The following NRG1 variants were observed in gnomAD, a reference collection of about 807,000 sequenced individuals.
NRG1 encodes neuregulin 1.
NRG1 carries 18 observed loss-of-function variants against 63.8 expected under a neutral mutation model. That is an observed-to-expected ratio of 0.28 (90% CI 0.19 to 0.42). The LOEUF (loss-of-function observed/expected upper bound fraction) is 0.42, where lower values mean the gene tolerates loss of function less well. NRG1 is among the 10% of genes least tolerant of loss of function. NRG1 has a pLI of 1.00. For synonymous variants in NRG1, 302 were observed against 301.3 expected, an observed-to-expected ratio of 1.00 and a Z score of -0.02; for missense variants, 762 against 814.7, an observed-to-expected ratio of 0.94 and a Z score of 0.79.
At chr8:32,771,277 T>A (rs1463424888), downstream of NRG1, among the ~76,000 whole-genome samples, 1 of 19,242 alleles carries the variant, frequency 5.2e-5, no homozygotes, top group Non-Finnish European at 1.0e-4. Context: ...TGCCCAGCGA[T>A]TTTTTTTTTT....
At chr8:32,048,938 A>AG (rs1173864212) in intron 1 of NRG1, among the ~76,000 whole-genome samples, 2 of 151,982 alleles carry the variant, frequency 1.3e-5, no homozygotes, top group Non-Finnish European at 2.9e-5. Flanking sequence ...GGATGGTTTA[A>AG]GGGAGGCCAA....
Position 31,799,331 on chromosome 8 carries a change from C to T in NRG1, c.37+159900C>T, listed in dbSNP as rs959029336. 2.6e-5 allele frequency among the ~76,000 whole-genome samples: 4 copies of T among 151,998 alleles called. No homozygotes were observed. In the South Asian group the frequency reaches 6.2e-4, roughly 24 times the overall value. On this transcript the variant is annotated intron_variant, in intron 1 of 10. Transcript: ENST00000519301. ...TTCTATATTAATGATCAGTTTTAGGCGATACTTGCCAAAATCTAGTTCAGG... is the reference window on the plus strand; with the variant it reads ...TTCTATATTAATGATCAGTTTTAGGTGATACTTGCCAAAATCTAGTTCAGG...
chr8:32,483,578 C>G (rs1825556318), intron 1 of NRG1, among the ~76,000 whole-genome samples: 1 of 152,142 alleles, frequency 6.6e-6, no homozygotes, highest in South Asian at 2.1e-4. Flanking sequence ...ACTTGATAAG[C>G]CTTTGCTAGA....
At chr8:32,283,109 T>C (rs1485052518) in intron 1 of NRG1, among the ~76,000 whole-genome samples, 3 of 152,208 alleles carry the variant, frequency 2.0e-5, no homozygotes, top group South Asian at 2.1e-4. Context: ...TCCAAATTGT[T>C]ATTCCAATTT....
intron 2 of NRG1, among the ~76,000 whole-genome samples, chr8:32,600,110 G>A (rs566344591): frequency 6.6e-6 from 1 of 152,172 alleles, no homozygotes; most frequent in East Asian, 1.9e-4. Context: ...TACAGTGACT[G>A]GTTCTGTTGC....
At chr8:31,766,865 C>T (rs1049762195) in intron 1 of NRG1, among the ~76,000 whole-genome samples, 11 of 152,162 alleles carry the variant, frequency 7.2e-5, no homozygotes, top group Admixed American at 5.2e-4. Context: ...TGGAGCAGAA[C>T]GTGACATCTC....
intron 1 of NRG1, among the ~76,000 whole-genome samples, chr8:31,679,742 A>T (rs1160149304): frequency 6.6e-6 from 1 of 152,152 alleles, no homozygotes; most frequent in Non-Finnish European, 1.5e-5. Flanking sequence ...AAGAAGAATT[A>T]TTAGTATTGA....
At chr8:31,832,993 C>T (rs546857795) in intron 1 of NRG1, among the ~76,000 whole-genome samples, 15 of 152,204 alleles carry the variant, frequency 9.9e-5, no homozygotes, top group African/African-American at 2.6e-4. Context: ...TGCAAAGATA[C>T]GGTGTTCCAG....
chr8:31,766,542 T>C (rs1563376727), intron 1 of NRG1, among the ~76,000 whole-genome samples: 1 of 151,968 alleles, frequency 6.6e-6, no homozygotes, highest in Non-Finnish European at 1.5e-5. Flanking sequence ...GTCAGTAGAG[T>C]CAATTTCTGA....
At chr8:32,624,391 A>G (rs570605063) in intron 5 of NRG1, among the ~76,000 whole-genome samples, 1 of 152,306 alleles carries the variant, frequency 6.6e-6, no homozygotes, top group African/African-American at 2.4e-5. Flanking sequence ...TACAGAGAGG[A>G]GAGTTCTGTA....
intron 1 of NRG1, among the ~76,000 whole-genome samples, chr8:31,766,507 G>A (rs1447571071): frequency 6.6e-6 from 1 of 152,172 alleles, no homozygotes; most frequent in African/African-American, 2.4e-5. Context: ...AGGACAACAA[G>A]CCCCTGTGCA....
chr8:32,602,270 T>C (rs1418418263), intron 2 of NRG1, among the ~76,000 whole-genome samples: 1 of 152,166 alleles, frequency 6.6e-6, no homozygotes, highest in Non-Finnish European at 1.5e-5. Context: ...TCTCTCTTTC[T>C]TTTAAAGCCT....
chr8:31,915,071 A>ATT lies in NRG1; in HGVS notation c.37+275649_37+275650dup, dbSNP rs35702085. Among the ~76,000 whole-genome samples, 811 of 147,792 alleles carry ATT rather than the reference A, an allele frequency of 5.5e-3. 1 individual carries two copies. Among genetic ancestry groups the ATT allele is most frequent in the Middle Eastern group, 0.024 (7 of 292 alleles). ...TTTCAAAGTCAATTTTGTTCAGACC[A>ATT]TTTTTTTTTTACAAAGTAGCTTAAA... On this transcript the variant is annotated intron_variant, in intron 1 of 10. Coordinates refer to the NRG1 transcript ENST00000519301.
chr8:32,607,391 T>G (rs1396009638), intron 3 of NRG1, among the ~76,000 whole-genome samples: 1 of 152,160 alleles, frequency 6.6e-6, no homozygotes, highest in Non-Finnish European at 1.5e-5. Flanking sequence ...ATTGTGATTT[T>G]TGACACTTGG....
At chr8:32,235,230 CAAAAAAAAAAA>C (rs58148757) in intron 1 of NRG1, among the ~76,000 whole-genome samples, 2 of 88,308 alleles carry the variant, frequency 2.3e-5, no homozygotes, top group African/African-American at 8.7e-5. Flanking sequence ...CTAATCTCTA[CAAAAAAAAAAA>C]AAAAAAAAAA....
chr8:32,676,234 G>A (rs1168251671), intron 5 of NRG1, among the ~76,000 whole-genome samples: 1 of 152,096 alleles, frequency 6.6e-6, no homozygotes, highest in Non-Finnish European at 1.5e-5. Flanking sequence ...TGGCCTCAGT[G>A]GTTTGGGGAA....
At chr8:31,918,716 T>C (rs564375104) in intron 1 of NRG1, among the ~76,000 whole-genome samples, 11 of 152,206 alleles carry the variant, frequency 7.2e-5, no homozygotes, top group African/African-American at 1.4e-4. Context: ...GTTGGCCTCA[T>C]AAAATGAGTT....
At chr8:32,396,040 T>G (rs1812397256) in intron 1 of NRG1, among the ~76,000 whole-genome samples, 1 of 152,212 alleles carries the variant, frequency 6.6e-6, no homozygotes, top group African/African-American at 2.4e-5. Flanking sequence ...TGACTATGTG[T>G]AAGTCTATTT....
intron 1 of NRG1, among the ~76,000 whole-genome samples, chr8:32,355,624 C>G (rs1012808520): frequency 4.0e-5 from 6 of 151,608 alleles, no homozygotes; most frequent in Non-Finnish European, 2.9e-5. Flanking sequence ...ACCCACCCAT[C>G]CCCCCTCAAA....
Sources: gnomAD v4.1 joint callset for allele counts (sites outside exome capture counted in the v4.1 genomes callset) on GRCh38, gnomAD v4.1.1 for gene constraint, MANE v1.5 for transcripts, NCBI Gene and HGNC (gene_info 2026-07-23, HGNC 2026-07-21) for gene names.